The following OXR1 variants were observed in gnomAD, a reference collection of about 807,000 sequenced individuals.
The protein encoded by OXR1 is oxidation resistance protein 1.
A neutral mutation model predicts 104.6 loss-of-function variants in OXR1; 41 were observed. The observed-to-expected ratio is 0.39, with a 90% CI of 0.31 to 0.51. The LOEUF (loss-of-function observed/expected upper bound fraction) is 0.51. Among genes scored for constraint, OXR1 ranks in the 20% least tolerant of loss-of-function variants. The pLI is 0.77. For synonymous variants in OXR1, 348 were observed against 348.4 expected (o/e 1.00, Z 0.01); for missense variants, 955 against 1,031.9 (o/e 0.93, Z 1.02).
intron 1 of OXR1, among the ~76,000 whole-genome samples, chr8:106,327,659 C>A (rs960713746): frequency 6.6e-5 from 10 of 152,120 alleles, no homozygotes; most frequent in African/African-American, 2.2e-4. Flanking sequence ...GAAAAAAAAT[C>A]TCTTTTGGTC....
At chr8:106,276,753 C>CAAAAAAAAA (rs56303147) in intron 1 of OXR1, among the ~76,000 whole-genome samples, 79 of 77,734 alleles carry the variant, frequency 1.0e-3, no homozygotes, top group African/African-American at 3.7e-3. Flanking sequence ...CTGTTAGAGG[C>CAAAAAAAAA]AAAAAAAAAA....
intron 2 of OXR1, among the ~76,000 whole-genome samples, chr8:106,481,115 A>G (rs369272067): frequency 1.3e-5 from 2 of 151,994 alleles, no homozygotes; most frequent in East Asian, 3.9e-4. Context: ...CATTTCTTTG[A>G]AAAATTTATG....
intron 2 of OXR1, among the ~76,000 whole-genome samples, chr8:106,508,547 A>C (rs1812318890): frequency 6.6e-6 from 1 of 152,222 alleles, no homozygotes; most frequent in African/African-American, 2.4e-5. Flanking sequence ...GGCAGCTTTC[A>C]AAAGAAATCA....
intron 2 of OXR1, among the ~76,000 whole-genome samples, chr8:106,484,887 A>G (rs1027675272): frequency 6.6e-6 from 1 of 152,126 alleles, no homozygotes; most frequent in African/African-American, 2.4e-5. Flanking sequence ...TGATATTTAA[A>G]GCAGCTATAT....
chr8:106,658,668 A>G (rs781340968), intron 3 of OXR1, among the ~76,000 whole-genome samples: 1 of 152,236 alleles, frequency 6.6e-6, no homozygotes, highest in Non-Finnish European at 1.5e-5. Context: ...TTCTTTGTAA[A>G]ATAAAACACT....
chr8:106,376,523 A>G (rs1816912825), intron 2 of OXR1, among the ~76,000 whole-genome samples: 1 of 151,580 alleles, frequency 6.6e-6, no homozygotes, highest in Non-Finnish European at 1.5e-5. Flanking sequence ...ATATTGGCCT[A>G]AGACTTCAAA....
chr8:106,500,623 G>T lies in OXR1; in HGVS notation c.24-18320G>T, dbSNP rs547439300. On this transcript the variant is annotated intron_variant, in intron 2 of 16. Coordinates refer to ENST00000517566, the MANE Select transcript of OXR1 (RefSeq NM_001198533.2). ...ATAAAGCCCTTCCTTCTACAACTTG[G>T]TGTCTGAGAGGTTTTGTCTGTGGCT... Among the ~76,000 whole-genome samples, 13 of 152,266 alleles carry T rather than the reference G, an allele frequency of 8.5e-5. No individual in the cohort carries two copies. The South Asian group carries it at 2.5e-3, about 29-fold the overall frequency.
chr8:106,662,287 G>A (rs536006321), intron 3 of OXR1, among the ~76,000 whole-genome samples: 40 of 152,298 alleles, frequency 2.6e-4, no homozygotes, highest in Middle Eastern at 3.4e-3. Context: ...ATGAAGTTAA[G>A]TGGGAATGTA....
In OXR1 at chr8:106,323,462, A is replaced by C. The variant is rs550160734; in HGVS notation, c.-138-36014A>C. Among the ~76,000 whole-genome samples the C allele has an allele frequency of 3.9e-5, 6 of 152,322 alleles. No homozygotes were observed. The South Asian group carries it at 1.2e-3, about 32-fold the overall frequency. On this transcript the variant is annotated intron_variant, in intron 1 of 16. Coordinates refer to ENST00000517566, the MANE Select transcript of OXR1 (RefSeq NM_001198533.2). The stretch of plus-strand genomic sequence containing the variant: ...GCACATAGGAGCAAGCAAAGATTTC[A>C]TGACAAAGACAACAAAAGCAATTGC...
intron 10 of OXR1, among the ~76,000 whole-genome samples, chr8:106,713,186 A>G (rs1484623650): frequency 6.6e-6 from 1 of 152,010 alleles, no homozygotes; most frequent in Non-Finnish European, 1.5e-5. Flanking sequence ...AAAGTTATAT[A>G]ATCAATTTTC....
chr8:106,446,086 G>A (rs1330051179), intron 2 of OXR1, among the ~76,000 whole-genome samples: 1 of 152,172 alleles, frequency 6.6e-6, no homozygotes, highest in Non-Finnish European at 1.5e-5. Context: ...GCAGATGAAT[G>A]AGAGTGAAAA....
In OXR1 at chr8:106,400,793, T is replaced by C. The variant is rs116260076; in HGVS notation, c.23+41157T>C. On this transcript the variant is annotated intron_variant, in intron 2 of 16. Coordinates refer to ENST00000517566, the MANE Select transcript of OXR1 (RefSeq NM_001198533.2). ...AGAGTATCTAATTGCAATCTGTAAA[T>C]AAAACATGCTCCAAAATATCACAAT... 6.9e-3 allele frequency among the ~76,000 whole-genome samples: 1,049 copies of C among 152,310 alleles called. 11 individuals carry two copies. Among genetic ancestry groups the C allele is most frequent in the African/African-American group, 0.024 (982 of 41,560 alleles).
At chr8:106,548,163 T>G (rs1815518885) in intron 3 of OXR1, among the ~76,000 whole-genome samples, 1 of 152,222 alleles carries the variant, frequency 6.6e-6, no homozygotes. Flanking sequence ...TTAATAATAG[T>G]CATCCTAATG....
At chr8:106,465,911 GTA>G (rs1821148822) in intron 2 of OXR1, among the ~76,000 whole-genome samples, 1 of 151,930 alleles carries the variant, frequency 6.6e-6, no homozygotes, top group Admixed American at 6.6e-5. Flanking sequence ...GCCGTATGAT[GTA>G]TGATTCAACC....
At chr8:106,421,323 A>G (rs1818896339) in intron 2 of OXR1, among the ~76,000 whole-genome samples, 1 of 152,174 alleles carries the variant, frequency 6.6e-6, no homozygotes, top group Non-Finnish European at 1.5e-5. Flanking sequence ...CTAATTGACA[A>G]GTGTATCAGT....
At chr8:106,686,975 TTAAAAG>T (rs1024492361) in intron 6 of OXR1, among the ~76,000 whole-genome samples, 1 of 152,172 alleles carries the variant, frequency 6.6e-6, no homozygotes, top group African/African-American at 2.4e-5. Flanking sequence ...TCTAAGCACT[TTAAAAG>T]TATTATTTAT....
chr8:106,699,108 T>G (rs1463183462), intron 7 of OXR1, among the ~76,000 whole-genome samples: 6 of 152,212 alleles, frequency 3.9e-5, no homozygotes, highest in Non-Finnish European at 5.9e-5. Context: ...GTGTAGCTAA[T>G]TTTTCTCCTT....
At chr8:106,362,743 G>A (rs1046727650) in intron 2 of OXR1, among the ~76,000 whole-genome samples, 25 of 152,150 alleles carry the variant, frequency 1.6e-4, no homozygotes, top group African/African-American at 5.3e-4. Context: ...AGAAAACTAC[G>A]AATAAGTGAC....
chr8:106,455,808 A>G (rs1820567645), intron 2 of OXR1, among the ~76,000 whole-genome samples: 1 of 152,242 alleles, frequency 6.6e-6, no homozygotes, highest in Admixed American at 6.5e-5. Flanking sequence ...ATTATGATCC[A>G]TTGAATCTGA....
Sources: allele counts gnomAD v4.1 joint callset (sites outside exome capture counted in the v4.1 genomes callset), GRCh38; gene constraint gnomAD v4.1.1; transcripts MANE v1.5; gene names NCBI Gene and HGNC (gene_info 2026-07-23, HGNC 2026-07-21).